The following CD9 variants were observed in gnomAD, a reference collection of about 807,000 sequenced individuals.
CD9 encodes the protein CD9 antigen.
In CD9, 10 loss-of-function variants were observed where a neutral mutation model predicts 31.4. The ratio of observed to expected loss-of-function variants is 0.32; its 90% CI spans 0.20 to 0.54. CD9 has a LOEUF of 0.54. Ranked by LOEUF, CD9 falls within the 20% of genes least tolerant of loss-of-function variation. CD9 has a pLI of 0.94. For synonymous variants in CD9, 113 were observed against 114.1 expected (o/e 0.99, Z 0.06); for missense variants, 259 against 300.1 (o/e 0.86, Z 1.01).
chr12:6,204,805 C>T (rs1591961478), intron 1 of CD9, among the ~76,000 whole-genome samples: 1 of 152,272 alleles, frequency 6.6e-6, no homozygotes, highest in East Asian at 1.9e-4. Flanking sequence ...GAGCAGTTCT[C>T]TAAGAAGTGT....
intron 1 of CD9, among the ~76,000 whole-genome samples, chr12:6,206,240 G>A (rs1411588383): frequency 1.3e-5 from 2 of 150,260 alleles, no homozygotes; most frequent in South Asian, 2.1e-4. Flanking sequence ...TTTTGGAGAC[G>A]GTGCTCACTC....
intron 2 of CD9, among the ~76,000 whole-genome samples, chr12:6,228,157 G>T (rs550603313): frequency 1.3e-5 from 2 of 152,364 alleles, no homozygotes; most frequent in South Asian, 4.1e-4. Flanking sequence ...CCCCATTCGG[G>T]GAAGAGAGCG....
At chr12:6,210,374 A>G (rs1591964454) in intron 1 of CD9, among the ~76,000 whole-genome samples, 1 of 152,162 alleles carries the variant, frequency 6.6e-6, no homozygotes, top group Non-Finnish European at 1.5e-5. Context: ...GCCTCTGTCC[A>G]CCCTGACTAT....
intron 1 of CD9, among the ~76,000 whole-genome samples, chr12:6,205,577 C>T (rs1271972994): frequency 6.6e-6 from 1 of 152,178 alleles, no homozygotes; most frequent in Non-Finnish European, 1.5e-5. Context: ...GAGAATCTCC[C>T]CCTTACACAC....
chr12:6,208,615 A>C (rs916506775), intron 1 of CD9, among the ~76,000 whole-genome samples: 2 of 151,444 alleles, frequency 1.3e-5, no homozygotes, highest in Admixed American at 1.3e-4. Context: ...CTTGTTGCCC[A>C]GGCTGGAGTG....
intron 1 of CD9, among the ~76,000 whole-genome samples, chr12:6,214,380 T>A (rs1946222049): frequency 1.8e-5 from 2 of 110,688 alleles, no homozygotes; most frequent in South Asian, 6.6e-4. Flanking sequence ...AGATGGGGTC[T>A]CTGTCACCCA....
upstream of CD9, chr12:6,200,079 C>T (rs1946054946): frequency 6.6e-6 from 1 of 152,264 alleles, no homozygotes; most frequent in Non-Finnish European, 1.5e-5. Flanking sequence ...CCACGTAAGT[C>T]CGCGGTAAAA....
At chr12:6,230,906 G>T (rs1396751318) in intron 2 of CD9, among the ~76,000 whole-genome samples, 1 of 152,236 alleles carries the variant, frequency 6.6e-6, no homozygotes, top group Non-Finnish European at 1.5e-5. Context: ...TGGGGGAGAA[G>T]GGGGAGGAAC....
At chr12:6,237,096 C>T (rs1337712932) in intron 7 of CD9, among the ~76,000 whole-genome samples, 2 of 152,218 alleles carry the variant, frequency 1.3e-5, no homozygotes, top group African/African-American at 4.8e-5. Context: ...TATCCAGCCT[C>T]AGCCTCCCGA....
chr12:6,223,409 C>T lies in CD9; in HGVS notation c.67-2017C>T, dbSNP rs3782718. 1.2e-4 allele frequency among the ~76,000 whole-genome samples: 18 copies of T among 152,250 alleles called. No individual in the cohort carries two copies. The East Asian group carries it at 3.3e-3, about 28-fold the overall frequency. On this transcript the variant is annotated intron_variant, in intron 1 of 7. Transcript: ENST00000009180. The stretch of plus-strand genomic sequence containing the variant: ...CTGGAGTAGCTGGGACTACAGGCGC[C>T]CGCCACCACGCCTGGAGAATTTTTT...
Position 6,200,432 on chromosome 12 carries a change from C to A in CD9, c.-68C>A. ...TGCATCTGTATCCAGCGCCAGGTCC[C>A]GCCAGTCCCAGCTGCGCGCGCCCCC... On this transcript the variant is annotated 5_prime_UTR_variant, in exon 1 of 8. Coordinates refer to ENST00000009180, the MANE Select transcript of CD9 (RefSeq NM_001769.4). 1 of 1,041,846 alleles carries A rather than the reference C, an allele frequency of 9.6e-7. No individual in the cohort carries two copies. Among genetic ancestry groups the A allele is most frequent in the Non-Finnish European group, 1.5e-6 (1 of 664,140 alleles). 64.5% of individuals were successfully genotyped at this position (1,041,846 alleles called of 1,614,324 possible).
At chr12:6,229,600 A>T (rs148567892) in intron 2 of CD9, among the ~76,000 whole-genome samples, 1 of 152,200 alleles carries the variant, frequency 6.6e-6, no homozygotes, top group African/African-American at 2.4e-5. Flanking sequence ...GGATATAATA[A>T]ACTTTTATTG....
intron 1 of CD9, among the ~76,000 whole-genome samples, chr12:6,218,979 G>A (rs1017568672): frequency 8.6e-5 from 13 of 152,046 alleles, no homozygotes; most frequent in African/African-American, 2.4e-4. Flanking sequence ...GATAAAGACC[G>A]AGGACAGCAA....
At chr12:6,228,825 C>T (rs1166368703) in intron 2 of CD9, among the ~76,000 whole-genome samples, 2 of 152,166 alleles carry the variant, frequency 1.3e-5, no homozygotes, top group African/African-American at 2.4e-5. Context: ...ATGGGGTGAC[C>T]GCCCCTTGCA....
intron 1 of CD9, among the ~76,000 whole-genome samples, chr12:6,211,683 T>C (rs1031331651): frequency 2.6e-5 from 4 of 152,218 alleles, no homozygotes; most frequent in Non-Finnish European, 5.9e-5. Context: ...ATGTGTGGTA[T>C]TCTGGAATTT....
intron 7 of CD9, 44 bp from the exon 8 acceptor site, chr12:6,237,719 C>T: frequency 6.9e-7 from 1 of 1,459,476 alleles, no homozygotes; most frequent in Non-Finnish European, 9.6e-7. Flanking sequence ...AGCCTTCCTT[C>T]AGATCAAACC....
At chr12:6,213,448 G>C (rs944991715) in intron 1 of CD9, among the ~76,000 whole-genome samples, 3 of 152,198 alleles carry the variant, frequency 2.0e-5, no homozygotes, top group Admixed American at 1.3e-4. Flanking sequence ...TGCTGGAAGC[G>C]CCTGTAAGAA....
At chr12:6,219,415 A>G (rs1022643324) in intron 1 of CD9, among the ~76,000 whole-genome samples, 2 of 152,208 alleles carry the variant, frequency 1.3e-5, no homozygotes, top group African/African-American at 4.8e-5. Context: ...GTCATTCCCC[A>G]AATATTCCCC....
intron 1 of CD9, among the ~76,000 whole-genome samples, chr12:6,201,161 T>G (rs936096673): frequency 6.6e-6 from 1 of 152,172 alleles, no homozygotes; most frequent in Non-Finnish European, 1.5e-5. Context: ...CCCTCCACCC[T>G]TGAGGAGGAA....
Sources: gnomAD v4.1 joint callset for allele counts (sites outside exome capture counted in the v4.1 genomes callset) on GRCh38, gnomAD v4.1.1 for gene constraint, MANE v1.5 for transcripts, NCBI Gene and HGNC (gene_info 2026-07-23, HGNC 2026-07-21) for gene names.